UNC13A: variants seen among roughly 807,000 people sequenced by gnomAD.
The protein encoded by UNC13A is protein unc-13 homolog A.
In UNC13A, 61 loss-of-function variants were observed where a neutral mutation model predicts 219.7. The ratio of observed to expected loss-of-function variants is 0.28; its 90% CI spans 0.23 to 0.34. UNC13A has a LOEUF of 0.34. Among genes scored for constraint, UNC13A ranks in the 10% least tolerant of loss-of-function variants. The pLI is 1.00. For missense variants in UNC13A, 1,476 were observed against 2,270.3 expected, an observed-to-expected ratio of 0.65 and a Z score of 7.11; for synonymous variants, 920 against 884.6, an observed-to-expected ratio of 1.04 and a Z score of -0.71.
intron 11 of UNC13A, among the ~76,000 whole-genome samples, chr19:17,653,186 G>C (rs553108095): frequency 6.6e-6 from 1 of 152,028 alleles, no homozygotes; most frequent in East Asian, 1.9e-4. Flanking sequence ...TATTGAGGGG[G>C]TGTTTGGTTT....
At chr19:17,614,105 A>T (rs1386921355) in intron 41 of UNC13A, 1 of 151,812 alleles carries the variant, frequency 6.6e-6, no homozygotes, top group African/African-American at 2.4e-5. Flanking sequence ...TCCCAGGTTA[A>T]AGCGATTCTC....
chr19:17,648,505 C>T lies in UNC13A; in HGVS notation c.1742G>A (p.Gly581Asp). The change falls in exon 16 of 44, where the codon GGC becomes GAC. Residue 581 changes from glycine to aspartate, a missense_variant. Coordinates refer to ENST00000519716, the MANE Select transcript of UNC13A (RefSeq NM_001080421.3). ...EGLLWGIARQ[G>D]MRCTECGVKC... The stretch of plus-strand genomic sequence containing the variant: ...GACACCGCACTCGGTGCAGCGCATG[C>T]CCTGCCTCGCGATGCCCCACAGCAG... 1 of 1,613,368 alleles carries T rather than the reference C, an allele frequency of 6.2e-7. No individual in the cohort carries two copies.
chr19:17,633,085 G>C (rs755267579), intron 27 of UNC13A, 23 bp downstream of exon 27: 2 of 1,613,562 alleles, frequency 1.2e-6, no homozygotes, highest in African/African-American at 2.7e-5. Context: ...CCAGGCTGGG[G>C]AACACTGGGG....
chr19:17,639,389 C>T, intron 24 of UNC13A, 47 bp downstream of exon 24: 1 of 1,590,282 alleles, frequency 6.3e-7, no homozygotes, highest in African/African-American at 1.3e-5. Flanking sequence ...GCTGGGGATC[C>T]TAGAGAACCC....
At position 17,620,725 on chromosome 19, in the gene UNC13A, G is replaced by A. The variant is rs1475061436; in HGVS notation, c.4243-3C>T. ...TGGCTTGGCAATTTCACCCTGCCCT[G>A]TGGAGAGAATCAGGTGGAGGTCAGA... On this transcript the variant is annotated splice_polypyrimidine_tract_variant and splice_region_variant and intron_variant, in intron 37 of 43. Transcript: ENST00000519716. 2.5e-6 allele frequency: 4 copies of A among 1,612,744 alleles called. No homozygotes were observed. The highest frequency in any genetic ancestry group is 1.3e-5 in the African/African-American group (1 of 74,894).
chr19:17,640,525 C>T lies in UNC13A; in HGVS notation c.2773G>A (p.Ala925Thr). ...CCAGGACTGACCCCAAAGTTGGAGGCGGCGAAGCGGTCGGAGGCAGACACG... is the reference window on the plus strand; with the variant it reads ...CCAGGACTGACCCCAAAGTTGGAGGTGGCGAAGCGGTCGGAGGCAGACACG... ...TNVSASDRFA[A>T]SNFGKERFVK... The change falls in exon 22 of 44, where the codon GCC (alanine) becomes ACC (threonine). Residue 925 changes from alanine to threonine, a missense_variant. By Grantham distance (58) the Ala-to-Thr change is moderately conservative. Coordinates refer to ENST00000519716, the MANE Select transcript of UNC13A (RefSeq NM_001080421.3). 1 of 1,549,500 alleles carries T rather than the reference C, an allele frequency of 6.5e-7. No homozygotes were observed. Among genetic ancestry groups the T allele is most frequent in the Non-Finnish European group, 8.7e-7 (1 of 1,146,828 alleles).
At chr19:17,679,071 CA>C in intron 1 of UNC13A, among the ~76,000 whole-genome samples, 1 of 152,066 alleles carries the variant, frequency 6.6e-6, no homozygotes, top group South Asian at 2.1e-4. Flanking sequence ...CCAGCCTGGG[CA>C]ATGTAGTAAG....
At chr19:17,633,030 C>G in intron 27 of UNC13A, 78 bp downstream of exon 27, 1 of 1,605,862 alleles carries the variant, frequency 6.2e-7, no homozygotes, top group Non-Finnish European at 8.5e-7. Flanking sequence ...TTATAGGGTG[C>G]TCACAGCCTT....
chr19:17,640,331 G>A (rs1020339026), intron 22 of UNC13A, among the ~76,000 whole-genome samples, 180 bp downstream of exon 22: 9 of 152,190 alleles, frequency 5.9e-5, no homozygotes, highest in East Asian at 1.9e-4. Flanking sequence ...GAGCCACTGC[G>A]CCCGACCTCC....
intron 11 of UNC13A, 81 bp downstream of exon 11, chr19:17,655,193 T>C: frequency 8.5e-7 from 1 of 1,181,296 alleles, no homozygotes; most frequent in Non-Finnish European, 1.2e-6. Context: ...TAGGTGTGGG[T>C]GTGGCCAAAA....
intron 17 of UNC13A, among the ~76,000 whole-genome samples, 181 bp downstream of exon 17, chr19:17,647,084 A>G (rs1819833781): frequency 6.6e-6 from 1 of 152,206 alleles, no homozygotes; most frequent in Admixed American, 6.5e-5. Flanking sequence ...CAGTGCCATG[A>G]ACAGGCGTTT....
At chr19:17,630,815 G>A (rs1339389321) in intron 28 of UNC13A, 65 bp from the exon 29 acceptor site, 6 of 1,467,510 alleles carry the variant, frequency 4.1e-6, no homozygotes, top group Non-Finnish European at 5.7e-6. Context: ...GCGCCGCCTG[G>A]TTCTGACCCA....
chr19:17,647,856 AC>A (rs2079267938), intron 16 of UNC13A, among the ~76,000 whole-genome samples: 1 of 70,060 alleles, frequency 1.4e-5, no homozygotes, highest in Non-Finnish European at 2.7e-5. Context: ...TCTGAGTCCC[AC>A]CCCTCTGAGT....
At chr19:17,642,772 G>A in intron 20 of UNC13A, 73 bp downstream of exon 20, 2 of 1,335,948 alleles carry the variant, frequency 1.5e-6, no homozygotes, top group South Asian at 1.3e-5. Flanking sequence ...GGTGTGGCCA[G>A]AAAGAGGAAG....
At chr19:17,609,124 A>ATTT (rs71162159) in intron 43 of UNC13A, among the ~76,000 whole-genome samples, 9,947 of 128,166 alleles carry the variant, frequency 0.078, 464 homozygotes, top group South Asian at 0.14. Context: ...CACCCGGCTA[A>ATTT]TTTTTTTTTT....
chr19:17,646,191 G>A, intron 17 of UNC13A, 80 bp from the exon 18 acceptor site: 2 of 1,570,802 alleles, frequency 1.3e-6, no homozygotes, highest in East Asian at 2.3e-5. Flanking sequence ...ACACGCTGCA[G>A]GCTGATAATT....
Position 17,606,234 on chromosome 19 carries a change from G to A in UNC13A, c.4932C>T (p.Ala1644=), listed in dbSNP as rs770476076. 1 of 1,550,126 alleles carries A rather than the reference G, an allele frequency of 6.5e-7. No individual in the cohort carries two copies. Among genetic ancestry groups the A allele is most frequent in the Non-Finnish European group, 8.7e-7 (1 of 1,147,948 alleles). ...GCCAGCAGGCGGCGCTCCCGCGCTGGGCCAGCTCACGCAGCTGCAGCACGG... is the reference window on the plus strand; with the variant it reads ...GCCAGCAGGCGGCGCTCCCGCGCTGAGCCAGCTCACGCAGCTGCAGCACGG... ...GLAVLQLREL[A]QRGSAACWLP... is the part of the protein sequence containing the mutation. The change falls in exon 44 of 44, where the codon GCC becomes GCT. Residue 1644 remains alanine (A), a synonymous_variant. Coordinates refer to ENST00000519716, the MANE Select transcript of UNC13A (RefSeq NM_001080421.3).
rs1272624618 is a variant in UNC13A at position 17,655,473 on chromosome 19, T to C, written c.1284-91A>G. On this transcript the variant is annotated intron_variant, in intron 10 of 43. Transcript: ENST00000519716. ...TCCAGCTGTGCAAGTGATGCATAGC[T>C]CCCCATGGTATCTCTGACCCCTCAG... 7.7e-6 allele frequency: 8 copies of C among 1,032,712 alleles called. No individual in the cohort carries two copies. In the Admixed American group the frequency reaches 1.4e-4, roughly 18 times the overall value. 64.0% of individuals were successfully genotyped at this position (1,032,712 alleles called of 1,614,324 possible).
At chr19:17,678,892 G>C (rs563529140) in intron 1 of UNC13A, among the ~76,000 whole-genome samples, 6 of 152,188 alleles carry the variant, frequency 3.9e-5, no homozygotes, top group African/African-American at 1.4e-4. Flanking sequence ...GGAGAGGAGA[G>C]AGGAAGAAAT....
Sources: allele counts gnomAD v4.1 joint callset (sites outside exome capture counted in the v4.1 genomes callset), GRCh38; gene constraint gnomAD v4.1.1; transcripts MANE v1.5; gene names NCBI Gene and HGNC (gene_info 2026-07-23, HGNC 2026-07-21).